Variants in RNGTT observed in about 807,000 individuals in gnomAD.
RNGTT encodes the protein mRNA-capping enzyme.
A neutral mutation model predicts 79.3 loss-of-function variants in RNGTT; 33 were observed. The ratio of observed to expected loss-of-function variants is 0.42; its 90% CI spans 0.32 to 0.56. The LOEUF is 0.56. Ranked by LOEUF, RNGTT falls within the 20% of genes least tolerant of loss-of-function variation. RNGTT has a pLI of 0.17. For synonymous variants in RNGTT, 222 were observed against 235.9 expected, an observed-to-expected ratio of 0.94 and a Z score of 0.54; for missense variants, 497 against 739.1, an observed-to-expected ratio of 0.67 and a Z score of 3.80.
At chr6:88,962,143 C>T (rs1337224199) in intron 1 of RNGTT, among the ~76,000 whole-genome samples, 1 of 152,016 alleles carries the variant, frequency 6.6e-6, no homozygotes, top group Admixed American at 6.5e-5. Context: ...TTACAGAAAG[C>T]AGATCAGTGG....
chr6:88,694,924 T>C (rs900969247), intron 13 of RNGTT, among the ~76,000 whole-genome samples: 9 of 152,140 alleles, frequency 5.9e-5, no homozygotes, highest in African/African-American at 2.2e-4. Context: ...ACCAGCCCCC[T>C]GCTCTGGACT....
At position 88,902,182 on chromosome 6, in the gene RNGTT, A is replaced by C. The variant is rs573671312; in HGVS notation, c.684+2533T>G. Among the ~76,000 whole-genome samples the C allele has an allele frequency of 1.5e-4, 22 of 151,272 alleles. 1 individual carries two copies. In the South Asian group the frequency reaches 4.4e-3, roughly 30 times the overall value. On this transcript the variant is annotated intron_variant, in intron 6 of 15. Transcript: ENST00000369485. The stretch of plus-strand genomic sequence containing the variant: ...AGCCTGGATGACAGAGTGAGATCCT[A>C]TCTCTTTAAAAAAAAATAAAAATAA...
chr6:88,822,058 C>A (rs1033545222), intron 11 of RNGTT, among the ~76,000 whole-genome samples: 2 of 152,058 alleles, frequency 1.3e-5, no homozygotes, highest in Admixed American at 6.6e-5. Flanking sequence ...AGGGGAAGGG[C>A]CAAAAAGTGA....
At chr6:88,763,980 TC>T (rs1357932496) in intron 13 of RNGTT, among the ~76,000 whole-genome samples, 1 of 152,200 alleles carries the variant, frequency 6.6e-6, no homozygotes, top group African/African-American at 2.4e-5. Context: ...TATAAGCTGC[TC>T]TGCCACTTGG....
intron 12 of RNGTT, among the ~76,000 whole-genome samples, chr6:88,773,065 C>T (rs1235631767): frequency 7.0e-6 from 1 of 142,086 alleles, no homozygotes; most frequent in Non-Finnish European, 1.5e-5. Context: ...GACTTGGAAC[C>T]AACCCAAATG....
At chr6:88,627,867 CTG>C (rs1173144187) in intron 14 of RNGTT, among the ~76,000 whole-genome samples, 1 of 152,118 alleles carries the variant, frequency 6.6e-6, no homozygotes, top group Admixed American at 6.6e-5. Flanking sequence ...TCTTACAAGT[CTG>C]TACCTCAAGT....
At chr6:88,761,831 C>G (rs1301209416) in intron 13 of RNGTT, among the ~76,000 whole-genome samples, 4 of 152,110 alleles carry the variant, frequency 2.6e-5, no homozygotes, top group Admixed American at 2.0e-4. Context: ...TGTAAATCTT[C>G]CAACAGTTTT....
intron 13 of RNGTT, among the ~76,000 whole-genome samples, chr6:88,760,775 T>C (rs903642343): frequency 2.6e-5 from 4 of 152,064 alleles, no homozygotes; most frequent in Admixed American, 6.6e-5. Context: ...AATCCTTCCT[T>C]ATATAAGAAC....
intron 1 of RNGTT, among the ~76,000 whole-genome samples, chr6:88,950,838 AT>A: frequency 6.6e-6 from 1 of 150,924 alleles, no homozygotes. Context: ...TCTCAAAAAA[AT>A]ATAAATAAAT....
At chr6:88,672,238 T>C (rs12212531) in intron 14 of RNGTT, among the ~76,000 whole-genome samples, 7 of 150,336 alleles carry the variant, frequency 4.7e-5, no homozygotes, top group South Asian at 2.1e-4. Flanking sequence ...CACATATATA[T>C]ACACACACAC....
At chr6:88,898,789 A>G (rs1479705109) in intron 6 of RNGTT, among the ~76,000 whole-genome samples, 1 of 151,290 alleles carries the variant, frequency 6.6e-6, no homozygotes, top group African/African-American at 2.4e-5. Flanking sequence ...AGTACAGAGC[A>G]AATGGCTTGG....
intron 14 of RNGTT, among the ~76,000 whole-genome samples, chr6:88,631,647 A>ATT (rs35746715): frequency 1.3e-5 from 2 of 148,268 alleles, no homozygotes; most frequent in South Asian, 2.1e-4. Context: ...TCAACTCTAC[A>ATT]TTTTTTTTTT....
chr6:88,868,933 A>G (rs1231329469), intron 8 of RNGTT, among the ~76,000 whole-genome samples: 1 of 152,208 alleles, frequency 6.6e-6, no homozygotes, highest in African/African-American at 2.4e-5. Context: ...ATAATCTACA[A>G]GAAACTTGAA....
At chr6:88,621,426 T>C (rs902774575) in intron 14 of RNGTT, among the ~76,000 whole-genome samples, 1 of 152,200 alleles carries the variant, frequency 6.6e-6, no homozygotes, top group African/African-American at 2.4e-5. Context: ...GCTTGTACTG[T>C]TGATAGCTGG....
At chr6:88,832,044 C>T (rs982827865) in intron 11 of RNGTT, among the ~76,000 whole-genome samples, 4 of 152,170 alleles carry the variant, frequency 2.6e-5, no homozygotes, top group Admixed American at 6.5e-5. Context: ...AATGCTATCC[C>T]CATCAAACTA....
chr6:88,680,662 A>T (rs1775059319), intron 13 of RNGTT, among the ~76,000 whole-genome samples: 1 of 151,780 alleles, frequency 6.6e-6, no homozygotes, highest in South Asian at 2.1e-4. Context: ...GAATCGCTTG[A>T]ACTCAGGAGG....
At chr6:88,686,831 G>C (rs1775296102) in intron 13 of RNGTT, among the ~76,000 whole-genome samples, 1 of 151,956 alleles carries the variant, frequency 6.6e-6, no homozygotes, top group Admixed American at 6.6e-5. Context: ...CAAGTCACAA[G>C]AATAAACTCC....
At chr6:88,768,499 A>T (rs754369607) in intron 13 of RNGTT, among the ~76,000 whole-genome samples, 2 of 151,994 alleles carry the variant, frequency 1.3e-5, no homozygotes, top group Non-Finnish European at 2.9e-5. Context: ...ACCACAATGC[A>T]CAGTTTCCTT....
intron 14 of RNGTT, among the ~76,000 whole-genome samples, chr6:88,662,079 C>T (rs1774207820): frequency 6.6e-6 from 1 of 152,178 alleles, no homozygotes. Flanking sequence ...ATCAATGGAT[C>T]CAGAAAAAGC....
Sources: allele counts gnomAD v4.1 joint callset (sites outside exome capture counted in the v4.1 genomes callset), GRCh38; gene constraint gnomAD v4.1.1; transcripts MANE v1.5; gene names NCBI Gene and HGNC (gene_info 2026-07-23, HGNC 2026-07-21).